TNRC6B: variants seen among roughly 807,000 people sequenced by gnomAD.
The protein encoded by TNRC6B is trinucleotide repeat-containing gene 6B protein.
TNRC6B carries 52 observed loss-of-function variants against 203.6 expected under a neutral mutation model. The observed-to-expected ratio is 0.26, with a 90% CI of 0.20 to 0.32. The LOEUF (loss-of-function observed/expected upper bound fraction) is 0.32. Ranked by LOEUF, TNRC6B falls within the 10% of genes least tolerant of loss-of-function variation. The pLI is 1.00. For missense variants in TNRC6B, 1,923 were observed against 2,286.2 expected, an observed-to-expected ratio of 0.84 and a Z score of 3.24; for synonymous variants, 838 against 845.7, an observed-to-expected ratio of 0.99 and a Z score of 0.16.
intron 1 of TNRC6B, among the ~76,000 whole-genome samples, chr22:40,235,213 A>AT (rs2069931143): frequency 6.6e-6 from 1 of 152,178 alleles, no homozygotes; most frequent in Admixed American, 6.5e-5. Context: ...TCTTAGGTGC[A>AT]TTTTGAAAAC....
intron 1 of TNRC6B, among the ~76,000 whole-genome samples, chr22:40,045,236 G>C (rs1254199184): frequency 6.9e-6 from 1 of 145,014 alleles, no homozygotes; most frequent in Admixed American, 6.8e-5. Flanking sequence ...CTGAGCGCGC[G>C]CTCCGCGGGA....
chr22:40,141,461 G>A (rs1325709085), intron 3 of TNRC6B, among the ~76,000 whole-genome samples: 1 of 152,020 alleles, frequency 6.6e-6, no homozygotes, highest in East Asian at 1.9e-4. Flanking sequence ...GCCTCCCAAA[G>A]TGCTGGGATC....
chr22:40,157,788 G>A (rs983929777), intron 4 of TNRC6B, among the ~76,000 whole-genome samples: 4 of 152,096 alleles, frequency 2.6e-5, no homozygotes, highest in African/African-American at 7.2e-5. Context: ...TCCATTTGTC[G>A]AGGGTTTTCT....
At chr22:40,080,843 T>G (rs1448284730) in intron 1 of TNRC6B, among the ~76,000 whole-genome samples, 3 of 151,910 alleles carry the variant, frequency 2.0e-5, no homozygotes, top group African/African-American at 4.8e-5. Flanking sequence ...TTTTGTTTTT[T>G]TTTTTTTTCA....
chr22:40,121,042 G>A (rs1349459678), intron 2 of TNRC6B, among the ~76,000 whole-genome samples: 1 of 152,162 alleles, frequency 6.6e-6, no homozygotes, highest in Non-Finnish European at 1.5e-5. Context: ...GCCTGAGTCA[G>A]GGATACAAGG....
intron 16 of TNRC6B, 83 bp from the exon 17 acceptor site, chr22:40,310,734 G>T: frequency 7.2e-7 from 1 of 1,384,510 alleles, no homozygotes; most frequent in Non-Finnish European, 9.7e-7. Context: ...TCAGAAGACT[G>T]TTTGCATTCC....
At chr22:40,280,650 A>G (rs2070710627) in intron 10 of TNRC6B, among the ~76,000 whole-genome samples, 2 of 152,232 alleles carry the variant, frequency 1.3e-5, no homozygotes, top group African/African-American at 2.4e-5. Flanking sequence ...AACATTTCTA[A>G]TGGTGGGAAT....
At chr22:40,140,256 T>A (rs2068634210) in intron 3 of TNRC6B, among the ~76,000 whole-genome samples, 1 of 152,200 alleles carries the variant, frequency 6.6e-6, no homozygotes, top group South Asian at 2.1e-4. Flanking sequence ...TGCTTAGCTA[T>A]AGAACCACAA....
intron 15 of TNRC6B, among the ~76,000 whole-genome samples, chr22:40,305,620 C>G (rs2071079050): frequency 6.6e-6 from 1 of 152,134 alleles, no homozygotes; most frequent in African/African-American, 2.4e-5. Context: ...CCGTCTTCGC[C>G]TGATTTTTCC....
chr22:40,283,763 A>G (rs750743613), intron 11 of TNRC6B, among the ~76,000 whole-genome samples: 19 of 152,214 alleles, frequency 1.2e-4, no homozygotes, highest in Non-Finnish European at 2.4e-4. Flanking sequence ...TACTGGGAAG[A>G]GGAAAGTAGG....
intron 12 of TNRC6B, among the ~76,000 whole-genome samples, chr22:40,298,860 G>A (rs1025277581): frequency 1.1e-3 from 166 of 152,292 alleles, no homozygotes; most frequent in Non-Finnish European, 1.9e-3. Flanking sequence ...CAGCTACTCG[G>A]GAGGCTGAGG....
chr22:40,208,449 A>G (rs2069515998), intron 1 of TNRC6B, among the ~76,000 whole-genome samples: 1 of 152,232 alleles, frequency 6.6e-6, no homozygotes, highest in African/African-American at 2.4e-5. Context: ...TACTCTTTAC[A>G]TTTACATGAA....
chr22:40,130,508 G>A (rs187413688), intron 3 of TNRC6B, among the ~76,000 whole-genome samples: 9 of 152,160 alleles, frequency 5.9e-5, no homozygotes, highest in East Asian at 1.9e-4. Context: ...TTGGCCGGGC[G>A]CGGTGGCTCA....
intron 3 of TNRC6B, among the ~76,000 whole-genome samples, chr22:40,153,348 C>A (rs981197682): frequency 6.6e-6 from 1 of 152,034 alleles, no homozygotes; most frequent in Non-Finnish European, 1.5e-5. Flanking sequence ...GAGGAGACAT[C>A]CCTAGCGAGA....
chr22:40,314,926 T>C (rs1054235017), intron 19 of TNRC6B, among the ~76,000 whole-genome samples: 2 of 152,250 alleles, frequency 1.3e-5, no homozygotes, highest in Admixed American at 1.3e-4. Flanking sequence ...ATTCTGCTAA[T>C]GTTCACATTC....
At chr22:40,055,519 C>G (rs1195686036) in intron 1 of TNRC6B, among the ~76,000 whole-genome samples, 1 of 152,184 alleles carries the variant, frequency 6.6e-6, no homozygotes, top group African/African-American at 2.4e-5. Flanking sequence ...GACTCAGCCT[C>G]TTACTCCACT....
chr22:40,317,637 G>A (rs937997268), intron 21 of TNRC6B, among the ~76,000 whole-genome samples: 2 of 152,184 alleles, frequency 1.3e-5, no homozygotes, highest in Admixed American at 6.5e-5. Context: ...CTCTTCACGT[G>A]TAGATGGCAT....
intron 1 of TNRC6B, among the ~76,000 whole-genome samples, chr22:40,191,339 G>A (rs1427958528): frequency 6.6e-6 from 1 of 152,100 alleles, no homozygotes; most frequent in African/African-American, 2.4e-5. Context: ...ATGTTGCTTG[G>A]GTCAGTGTTA....
intron 1 of TNRC6B, among the ~76,000 whole-genome samples, chr22:40,073,423 T>C (rs1229742619): frequency 6.6e-6 from 1 of 152,062 alleles, no homozygotes; most frequent in Admixed American, 6.6e-5. Flanking sequence ...GGGGGTGGAT[T>C]AGAGATTTTT....
Sources: gnomAD v4.1 joint callset for allele counts (sites outside exome capture counted in the v4.1 genomes callset) on GRCh38, gnomAD v4.1.1 for gene constraint, MANE v1.5 for transcripts, NCBI Gene and HGNC (gene_info 2026-07-23, HGNC 2026-07-21) for gene names.